Variants in APCDD1L observed in about 807,000 individuals in gnomAD.
APCDD1L encodes the protein APC down-regulated 1 like, also known as protein APCDD1-like.
Under a neutral mutation model 24.2 loss-of-function variants are expected in APCDD1L, and 21 were observed. The ratio of observed to expected loss-of-function variants is 0.87; its 90% CI spans 0.61 to 1.25. The LOEUF is 1.25. Among genes scored for constraint, APCDD1L ranks in the 50% most tolerant of loss-of-function variants. The pLI, the probability that APCDD1L is intolerant of heterozygous loss-of-function variation, is 0.00. For missense variants in APCDD1L, 704 were observed against 711.7 expected, an observed-to-expected ratio of 0.99 and a Z score of 0.12; for synonymous variants, 321 against 323.6, an observed-to-expected ratio of 0.99 and a Z score of 0.09.
rs1990292117 is a variant in APCDD1L, at chr20:58,494,911, T to C, written c.49+19748A>G. Among the ~76,000 whole-genome samples the C allele has an allele frequency of 6.6e-6, 1 of 152,182 alleles. No individual in the cohort carries two copies. The highest frequency in any genetic ancestry group is 1.5e-5 in the Non-Finnish European group (1 of 68,036). ...CCAGGAATGCTCTTTTTGGGCCTTCTGGCTCATTCTCCTCCTTCAGCTCAA... is the reference window on the plus strand; with the variant it reads ...CCAGGAATGCTCTTTTTGGGCCTTCCGGCTCATTCTCCTCCTTCAGCTCAA... On this transcript the variant is annotated intron_variant, in intron 1 of 3. Coordinates refer to ENST00000371149, the MANE Select transcript of APCDD1L (RefSeq NM_153360.3). The surrounding 1 kb of genome is among the most constrained non-coding windows in gnomAD (Gnocchi z 4.8).
In APCDD1L at chr20:58,461,735, T is replaced by G; in HGVS notation, c.742-181A>C. 1.8e-6 allele frequency: 1 copy of G among 561,840 alleles called. No homozygotes were observed. Among genetic ancestry groups the G allele is most frequent in the African/African-American group, 1.9e-5 (1 of 51,988 alleles). The allele number at this position is 561,840 out of a possible 1,614,324, so 34.8% of individuals were successfully genotyped here. On this transcript the variant is annotated intron_variant, in intron 3 of 3. Coordinates refer to ENST00000371149, the MANE Select transcript of APCDD1L (RefSeq NM_153360.3). The surrounding 1 kb of genome is among the most constrained non-coding windows in gnomAD (Gnocchi z 6.0). ...GACGACCTCCTTGCTTCAGCCAGGA[T>G]GGCCTCCTTGATGGAGGTCAGCCCC...
At chr20:58,504,581 G>A (rs1990499497) in intron 1 of APCDD1L, among the ~76,000 whole-genome samples, 1 of 152,198 alleles carries the variant, frequency 6.6e-6, no homozygotes, top group Non-Finnish European at 1.5e-5. Context: ...AATGGCAAGT[G>A]CCCAATGGAC....
At chr20:58,514,461 C>A (rs1237100944) in intron 1 of APCDD1L, among the ~76,000 whole-genome samples, 198 bp downstream of exon 1, 2 of 152,226 alleles carry the variant, frequency 1.3e-5, no homozygotes, top group Non-Finnish European at 2.9e-5. Flanking sequence ...GACTCCCTCC[C>A]GCAGGCCCCA....
At chr20:58,499,603 CT>C (rs1172313475) in intron 1 of APCDD1L, among the ~76,000 whole-genome samples, 1 of 152,234 alleles carries the variant, frequency 6.6e-6, no homozygotes, top group East Asian at 1.9e-4. Flanking sequence ...GCTGTGGCTC[CT>C]TCCTCCCTCC....
chr20:58,475,111 C>A (rs957935290), intron 1 of APCDD1L, among the ~76,000 whole-genome samples: 16 of 152,110 alleles, frequency 1.1e-4, no homozygotes, highest in Admixed American at 9.2e-4. Flanking sequence ...CTTCAAAGAT[C>A]ATGAAAAACG....
At chr20:58,485,535 C>A (rs190575180) in intron 1 of APCDD1L, among the ~76,000 whole-genome samples, 25 of 152,292 alleles carry the variant, frequency 1.6e-4, no homozygotes, top group Non-Finnish European at 2.9e-4. Flanking sequence ...AGCATATACT[C>A]CATTAACTTG....
chr20:58,461,510 G>A lies in APCDD1L; in HGVS notation c.786C>T (p.Ser262=), dbSNP rs554767673. Residue 262 remains serine, a synonymous_variant, in exon 4 of 4, where the codon TCC becomes TCT. Transcript: ENST00000371149. This position sits in a 1 kb window ranked among gnomAD's most constrained non-coding sequence, Gnocchi z 6.0. The part of the protein sequence containing the change: ...PCPACGLIAR[S]DVHHPPVLPP... ...GCAGCACGGGCGGGTGGTGCACATC[G>A]GAGCGGGCAATGAGGCCACAGGCTG... The A allele has an allele frequency of 1.9e-5, 28 of 1,449,794 alleles. No homozygotes were observed. Among genetic ancestry groups the A allele is most frequent in the South Asian group, 1.2e-4 (8 of 67,216 alleles). 89.8% of individuals were successfully genotyped at this position (1,449,794 alleles called of 1,614,324 possible).
intron 2 of APCDD1L, 65 bp downstream of exon 2, chr20:58,470,544 C>T (rs1457997097): frequency 1.3e-6 from 2 of 1,492,552 alleles, no homozygotes; most frequent in East Asian, 2.4e-5. Context: ...AGATTGGATG[C>T]CGAGTCCCAG....
At chr20:58,473,307 T>G (rs2123145038) in intron 1 of APCDD1L, among the ~76,000 whole-genome samples, 1 of 152,312 alleles carries the variant, frequency 6.6e-6, no homozygotes, top group Middle Eastern at 3.4e-3. Context: ...AATCCTCAGA[T>G]CCTGTGTTTC....
chr20:58,481,615 C>T (rs771083359), intron 1 of APCDD1L, among the ~76,000 whole-genome samples: 1 of 152,198 alleles, frequency 6.6e-6, no homozygotes, highest in African/African-American at 2.4e-5. Context: ...CTGGGAGGAA[C>T]CCCAGCGTCG....
chr20:58,488,025 C>T (rs1018711679), intron 1 of APCDD1L, among the ~76,000 whole-genome samples: 1 of 151,978 alleles, frequency 6.6e-6, no homozygotes, highest in Non-Finnish European at 1.5e-5. Flanking sequence ...TACAGTGGTC[C>T]CCCCATGTGC....
rs1238970542 is a variant in APCDD1L, at chr20:58,467,014, G to T, written c.741+92C>A. 4.8e-6 allele frequency: 7 copies of T among 1,463,104 alleles called. No homozygotes were observed. The highest frequency in any genetic ancestry group is 1.9e-4 in the Middle Eastern group (1 of 5,400). The allele number at this position is 1,463,104 out of a possible 1,614,324, so 90.6% of individuals were successfully genotyped here. ...GCCGGGCAGCCAGAGCCCTGGGCAGGCCCAGGTCTTGCAAAGCTGCGGGGC... is the reference window on the plus strand; with the variant it reads ...GCCGGGCAGCCAGAGCCCTGGGCAGTCCCAGGTCTTGCAAAGCTGCGGGGC... On this transcript the variant is annotated intron_variant, in intron 3 of 3. Transcript: ENST00000371149. The surrounding 1 kb of genome is among the most constrained non-coding windows in gnomAD (Gnocchi z 5.9).
chr20:58,464,010 G>C (rs1989665158), intron 3 of APCDD1L, among the ~76,000 whole-genome samples: 1 of 151,288 alleles, frequency 6.6e-6, no homozygotes, highest in Non-Finnish European at 1.5e-5. Context: ...ATGGGGATTT[G>C]GGCCCAGAGA....
chr20:58,515,387 C>G lies in APCDD1L; in HGVS notation c.-680G>C, dbSNP rs1990725078. The G allele has an allele frequency of 2.7e-6, 1 of 368,746 alleles. No homozygotes were observed. The highest frequency in any genetic ancestry group is 4.8e-6 in the Non-Finnish European group (1 of 207,860). The allele number at this position is 368,746 out of a possible 1,614,324, so 22.8% of individuals were successfully genotyped here. ...CGCTCCCCACCACACCCAAACGCAT[C>G]TAGGCAAAGTGTGGACCCGACCAGG... On this transcript the variant is annotated 5_prime_UTR_variant, in exon 1 of 4. Coordinates refer to ENST00000371149, the MANE Select transcript of APCDD1L (RefSeq NM_153360.3).
At chr20:58,475,033 A>G (rs1428251760) in intron 1 of APCDD1L, among the ~76,000 whole-genome samples, 1 of 152,126 alleles carries the variant, frequency 6.6e-6, no homozygotes, top group African/African-American at 2.4e-5. Context: ...GGGTGTGGTT[A>G]TTCCAGTTTG....
rs1346404093 is a variant in APCDD1L, at chr20:58,467,844, C to A, written c.189-186G>T. Among the ~76,000 whole-genome samples the A allele has an allele frequency of 2.6e-5, 4 of 152,190 alleles. No homozygotes were observed. Among genetic ancestry groups the A allele is most frequent in the Non-Finnish European group, 4.4e-5 (3 of 68,036 alleles). On this transcript the variant is annotated intron_variant, in intron 2 of 3. Coordinates refer to ENST00000371149, the MANE Select transcript of APCDD1L (RefSeq NM_153360.3). This position sits in a 1 kb window ranked among gnomAD's most constrained non-coding sequence, Gnocchi z 5.9. ...AGGCACCCTTGGGGCTGGGGCTTTGCACTGGATGCCTCGTGGCCTCGACAC... is the reference window on the plus strand; with the variant it reads ...AGGCACCCTTGGGGCTGGGGCTTTGAACTGGATGCCTCGTGGCCTCGACAC...
chr20:58,500,894 G>A (rs1990423279), intron 1 of APCDD1L, among the ~76,000 whole-genome samples: 1 of 152,078 alleles, frequency 6.6e-6, no homozygotes. Context: ...ACTTCCCCCA[G>A]CCCTCCCACT....
chr20:58,492,855 C>T (rs773419957), intron 1 of APCDD1L, among the ~76,000 whole-genome samples: 70 of 150,582 alleles, frequency 4.6e-4, no homozygotes, highest in Non-Finnish European at 8.7e-4. Context: ...CGCATACATG[C>T]ACACACATGC....
intron 1 of APCDD1L, among the ~76,000 whole-genome samples, chr20:58,474,597 G>A (rs775512908): frequency 5.3e-5 from 8 of 152,228 alleles, no homozygotes; most frequent in South Asian, 2.1e-4. Flanking sequence ...CCAGCTATTC[G>A]GGAGGCTGAG....
Sources: gnomAD v4.1 joint callset for allele counts (sites outside exome capture counted in the v4.1 genomes callset) on GRCh38, gnomAD v4.1.1 for gene constraint, Gnocchi (gnomAD v3.1) non-coding constraint, MANE v1.5 for transcripts, NCBI Gene and HGNC (gene_info 2026-07-23, HGNC 2026-07-21) for gene names.